KLK1: variants seen among roughly 807,000 people sequenced by gnomAD.
KLK1 encodes the protein kallikrein-1.
Under a neutral mutation model 23.3 loss-of-function variants are expected in KLK1, and 22 were observed. The ratio of observed to expected loss-of-function variants is 0.95; its 90% CI spans 0.68 to 1.35. The LOEUF (loss-of-function observed/expected upper bound fraction) is 1.35, where lower values mean the gene tolerates loss of function less well. Ranked by LOEUF, KLK1 falls within the 40% of genes most tolerant of loss-of-function variation. The pLI, the probability that KLK1 is intolerant of heterozygous loss-of-function variation, is 0.00. For synonymous variants in KLK1, 140 were observed against 135.8 expected, an observed-to-expected ratio of 1.03 and a Z score of -0.21; for missense variants, 301 against 338.9, an observed-to-expected ratio of 0.89 and a Z score of 0.88.
At chr19:50,820,517 A>C in intron 2 of KLK1, 74 bp from the exon 3 acceptor site, 7 of 845,346 alleles carry the variant, frequency 8.3e-6, no homozygotes, top group Admixed American at 2.4e-5. Flanking sequence ...AGCATGGGGG[A>C]GGGTCCCCAA....
intron 2 of KLK1, chr19:50,820,668 A>T: frequency 2.2e-6 from 1 of 454,590 alleles, no homozygotes; most frequent in Non-Finnish European, 3.9e-6. Context: ...AGCAAAAAAG[A>T]GCTCAAAAGG....
chr19:50,820,123 G>A (rs774639655), intron 3 of KLK1, 31 bp downstream of exon 3: 10 of 1,601,914 alleles, frequency 6.2e-6, no homozygotes, highest in Admixed American at 5.1e-5. Flanking sequence ...CCCCATCCCC[G>A]CCTTGGGCTA....
Position 50,821,784 on chromosome 19 carries a change from A to C in KLK1, c.134T>G (p.Phe45Cys). The C allele has an allele frequency of 6.2e-7, 1 of 1,614,002 alleles. No individual in the cohort carries two copies. Among genetic ancestry groups the C allele is most frequent in the East Asian group, 2.2e-5 (1 of 44,872 alleles). ...GATGCCCCCACACTGGAAAGTGCTG[A>C]AATGGTACAGAGCCGCCTGCCAGGG... is the stretch of plus-strand genomic sequence containing the variant. ...SQPWQAALYH[F>C]STFQCGGILV... The change falls in exon 2 of 5, where the codon TTC becomes TGC. Residue 45 changes from phenylalanine (F) to cysteine (C), a missense_variant. Coordinates refer to ENST00000301420, the MANE Select transcript of KLK1 (RefSeq NM_002257.4). The surrounding 1 kb of genome is among the most constrained non-coding windows in gnomAD (Gnocchi z 5.6).
At chr19:50,820,798 G>T in intron 2 of KLK1, 1 of 192,508 alleles carries the variant, frequency 5.2e-6, no homozygotes. Context: ...GAGGGAGGAA[G>T]AGGGAACAGA....
chr19:50,820,319 G>T lies in KLK1; in HGVS notation c.331C>A (p.Arg111Ser). Residue 111 changes from arginine to serine, a missense_variant, in exon 3 of 5, where the codon CGC becomes AGC. Transcript: ENST00000301420. ...TGGCTGTAGTCCTCGTCTGCTTGGC[G>T]GGTGTGGTTCTCCAGGAGGCTCATG... ...FNMSLLENHTRQADEDYSHDL... is the reference protein window; with the variant it reads ...FNMSLLENHTSQADEDYSHDL... 1 of 1,614,030 alleles carries T rather than the reference G, an allele frequency of 6.2e-7. No homozygotes were observed.
chr19:50,823,373 G>T (rs1026530692), intron 1 of KLK1, among the ~76,000 whole-genome samples: 2 of 152,142 alleles, frequency 1.3e-5, no homozygotes, highest in African/African-American at 2.4e-5. Context: ...GTCCTCCAGA[G>T]AGAGACAGAG....
chr19:50,819,421 C>T (rs2089807976), intron 4 of KLK1, 72 bp from the exon 5 acceptor site: 1 of 1,477,334 alleles, frequency 6.8e-7, no homozygotes, highest in Non-Finnish European at 9.2e-7. Flanking sequence ...GGAGCCCCAG[C>T]TCGCAGACAG....
Position 50,820,184 on chromosome 19 carries a change from A to C in KLK1, c.466T>G (p.Ser156Ala), listed in dbSNP as rs558269534. ...EPEVGSTCLASGWGSIEPENF... is the reference protein window; with the variant it reads ...EPEVGSTCLAAGWGSIEPENF... The stretch of plus-strand genomic sequence containing the variant: ...TCTGGTTCGATGCTGCCCCAGCCGG[A>C]AGCCAAACAGGTGCTCCCCACTTCG... The change falls in exon 3 of 5, where the codon TCC becomes GCC. Residue 156 changes from serine (S) to alanine (A), a missense_variant. Transcript: ENST00000301420. 6.2e-7 allele frequency: 1 copy of C among 1,606,884 alleles called. No homozygotes were observed. Among genetic ancestry groups the C allele is most frequent in the East Asian group, 2.2e-5 (1 of 44,684 alleles).
At position 50,823,749 on chromosome 19, in the gene KLK1, G is replaced by A. The variant is rs758845586; in HGVS notation, c.-1C>T. Reference sequence around the variant, plus strand: ...CGAGGCACAGAACCAGGAACCACATGGTGACAGAGGTGTCCAGGGGCCAGC... The same window carrying A: ...CGAGGCACAGAACCAGGAACCACATAGTGACAGAGGTGTCCAGGGGCCAGC... On this transcript the variant is annotated 5_prime_UTR_variant, in exon 1 of 5. Transcript: ENST00000301420. 3.4e-5 allele frequency: 54 copies of A among 1,610,510 alleles called. No individual in the cohort carries two copies. The highest frequency in any genetic ancestry group is 6.6e-5 in the South Asian group (6 of 90,740).
chr19:50,820,150 A>G lies in KLK1; in HGVS notation c.496+4T>C, dbSNP rs760742748. On this transcript the variant is annotated splice_donor_region_variant and intron_variant, in intron 3 of 4. Coordinates refer to ENST00000301420, the MANE Select transcript of KLK1 (RefSeq NM_002257.4). ...CTTGGGCTACACAGTCTGCCCCCAC[A>G]TACAATTCTCTGGTTCGATGCTGCC... is the stretch of plus-strand genomic sequence containing the variant. 7.3e-5 allele frequency: 117 copies of G among 1,599,392 alleles called. No individual in the cohort carries two copies. Among genetic ancestry groups the G allele is most frequent in the Non-Finnish European group, 9.6e-5 (112 of 1,170,760 alleles).
rs1008862766 is a variant in KLK1 at position 50,821,585 on chromosome 19, C to T, written c.206+127G>A. ...CAGCTCTGCCCTGCCAGGCGACCTGCGCCAGAGCCTTCCTCTCTGCCTCAG... is the reference window on the plus strand; with the variant it reads ...CAGCTCTGCCCTGCCAGGCGACCTGTGCCAGAGCCTTCCTCTCTGCCTCAG... On this transcript the variant is annotated intron_variant, in intron 2 of 4. Coordinates refer to ENST00000301420, the MANE Select transcript of KLK1 (RefSeq NM_002257.4). The surrounding 1 kb of genome is among the most constrained non-coding windows in gnomAD (Gnocchi z 5.6). The T allele has an allele frequency of 7.6e-6, 10 of 1,318,518 alleles. No individual in the cohort carries two copies. Among genetic ancestry groups the T allele is most frequent in the South Asian group, 4.8e-5 (3 of 61,882 alleles). The allele number at this position is 1,318,518 out of a possible 1,614,324, so 81.7% of individuals were successfully genotyped here.
chr19:50,823,635 G>T (rs759608924), intron 1 of KLK1, 68 bp downstream of exon 1: 3 of 1,059,580 alleles, frequency 2.8e-6, no homozygotes, highest in Non-Finnish European at 4.3e-6. Flanking sequence ...GGTCTTATCG[G>T]GGGGGGATGT....
rs563149515 is a variant in KLK1 at position 50,821,259 on chromosome 19, G to C, written c.206+453C>G. On this transcript the variant is annotated intron_variant, in intron 2 of 4. Coordinates refer to ENST00000301420, the MANE Select transcript of KLK1 (RefSeq NM_002257.4). This position sits in a 1 kb window ranked among gnomAD's most constrained non-coding sequence, Gnocchi z 5.6. The stretch of plus-strand genomic sequence containing the variant: ...GCCCCCTCCCAGGCACACAAGTTGG[G>C]GATAAAGCCCTTCCTTTACTCTGGG... Among the ~76,000 whole-genome samples, 4 of 152,254 alleles carry C rather than the reference G, an allele frequency of 2.6e-5. No individual in the cohort carries two copies. In the East Asian group the frequency reaches 7.7e-4, roughly 29 times the overall value.
chr19:50,823,292 G>T (rs1040894447), intron 1 of KLK1, among the ~76,000 whole-genome samples: 1 of 151,996 alleles, frequency 6.6e-6, no homozygotes, highest in Non-Finnish European at 1.5e-5. Flanking sequence ...ATAGGTGGCC[G>T]CAGGGAACTA....
rs1053931540 is a variant in KLK1 at position 50,822,706 on chromosome 19, C to T, written c.47-835G>A. 5.1e-6 allele frequency: 5 copies of T among 985,230 alleles called. No individual in the cohort carries two copies. The African/African-American group carries it at 5.3e-5, about 10-fold the overall frequency. 61.0% of individuals were successfully genotyped at this position (985,230 alleles called of 1,614,324 possible). Reference sequence around the variant, plus strand: ...CGGACAGGGTGAAGGATGGGATCTTCGTTTCTCATGGGGATGGGGTTCATG... The same window carrying T: ...CGGACAGGGTGAAGGATGGGATCTTTGTTTCTCATGGGGATGGGGTTCATG... On this transcript the variant is annotated intron_variant, in intron 1 of 4. Transcript: ENST00000301420.
At position 50,823,693 on chromosome 19, in the gene KLK1, A is replaced by T; in HGVS notation, c.46+10T>A. On this transcript the variant is annotated intron_variant, in intron 1 of 4. Transcript: ENST00000301420. ...CCCGTTCCCCCTCCCACATCCCCCC[A>T]CTGTCTCACCAGTCCCCCCCAGGGA... 1.3e-6 allele frequency: 2 copies of T among 1,551,666 alleles called. No individual in the cohort carries two copies. The highest frequency in any genetic ancestry group is 1.1e-5 in the South Asian group (1 of 88,302).
At chr19:50,820,602 A>C in intron 2 of KLK1, 159 bp from the exon 3 acceptor site, 1 of 587,640 alleles carries the variant, frequency 1.7e-6, no homozygotes, top group Non-Finnish European at 3.0e-6. Flanking sequence ...AGAAATACAG[A>C]CAGCGAATGG....
Position 50,820,408 on chromosome 19 carries a change from A to T in KLK1, c.242T>A (p.Phe81Tyr), listed in dbSNP as rs1194984586. The T allele has an allele frequency of 1.2e-6, 2 of 1,612,962 alleles. No individual in the cohort carries two copies. The highest frequency in any genetic ancestry group is 1.7e-6 in the Non-Finnish European group (2 of 1,179,472). The stretch of plus-strand genomic sequence containing the variant: ...AAACTGGGCTGTGTTTTCGTCGTCA[A>T]ACAAGTTGTGGCGACCCAGCCAGAG... ...YQLWLGRHNL[F>Y]DDENTAQFVH... Residue 81 changes from phenylalanine to tyrosine, a missense_variant, in exon 3 of 5, where the codon TTT (phenylalanine) becomes TAT (tyrosine). Phe to Tyr is a conservative substitution (Grantham distance 22). Transcript: ENST00000301420.
At position 50,820,178 on chromosome 19, in the gene KLK1, A is replaced by G. The variant is rs748493570; in HGVS notation, c.472T>C (p.Trp158Arg). The G allele has an allele frequency of 8.1e-6, 13 of 1,605,450 alleles. No homozygotes were observed. The highest frequency in any genetic ancestry group is 1.1e-5 in the Non-Finnish European group (13 of 1,173,838). ...CAATTCTCTGGTTCGATGCTGCCCC[A>G]GCCGGAAGCCAAACAGGTGCTCCCC... ...EVGSTCLASG[W>R]GSIEPENFSF... The change falls in exon 3 of 5, where the codon TGG becomes CGG. Residue 158 changes from tryptophan to arginine, a missense_variant. Transcript: ENST00000301420.
Sources: allele counts gnomAD v4.1 joint callset (sites outside exome capture counted in the v4.1 genomes callset), GRCh38; gene constraint gnomAD v4.1.1; non-coding constraint Gnocchi (gnomAD v3.1); transcripts MANE v1.5; gene names NCBI Gene and HGNC (gene_info 2026-07-23, HGNC 2026-07-21).